The following SPATA22 variants were observed in gnomAD, a reference collection of about 807,000 sequenced individuals.
SPATA22 encodes spermatogenesis-associated protein 22.
SPATA22 carries 29 observed loss-of-function variants against 47.8 expected under a neutral mutation model. That is an observed-to-expected ratio of 0.61 (90% CI 0.45 to 0.83). The LOEUF (loss-of-function observed/expected upper bound fraction) is 0.83. Ranked by LOEUF, SPATA22 falls within the 40% of genes least tolerant of loss-of-function variation. SPATA22 has a pLI of 0.00. For synonymous variants in SPATA22, 133 were observed against 140.9 expected, an observed-to-expected ratio of 0.94 and a Z score of 0.40; for missense variants, 410 against 421.7, an observed-to-expected ratio of 0.97 and a Z score of 0.24.
intron 1 of SPATA22, among the ~76,000 whole-genome samples, chr17:3,492,610 A>G (rs1204234918): frequency 6.6e-6 from 1 of 152,212 alleles, no homozygotes; most frequent in Non-Finnish European, 1.5e-5. Flanking sequence ...AAGCACTTGC[A>G]CATTGGAGCT....
rs1438244216 is a variant in SPATA22, at chr17:3,449,125, G to C, written c.354C>G (p.Thr118=). The C allele has an allele frequency of 6.2e-7, 1 of 1,605,594 alleles. No individual in the cohort carries two copies. The highest frequency in any genetic ancestry group is 8.5e-7 in the Non-Finnish European group (1 of 1,176,882). The stretch of plus-strand genomic sequence containing the variant: ...CATTTTTATTCCAAGTTTTCAAGCT[G>C]GTATTTTTGTTACCATCTCTGTAGC... ...GWSYRDGNKN[T]SLKTWNKNDF... The change falls in exon 6 of 9, where the codon ACC becomes ACG. Residue 118 remains threonine (T), a synonymous_variant. Transcript: ENST00000572969.
At chr17:3,513,818 G>T in exon 1 of SPATA22, 3 of 1,031,714 alleles carry the variant, frequency 2.9e-6, no homozygotes, top group Non-Finnish European at 3.0e-6. Context: ...GGCCAGCAGA[G>T]CCGGACTCCA....
At chr17:3,482,443 T>C (rs892684809) in intron 1 of SPATA22, among the ~76,000 whole-genome samples, 3 of 152,198 alleles carry the variant, frequency 2.0e-5, no homozygotes, top group African/African-American at 7.2e-5. Context: ...GTATGCTTAT[T>C]TCTGTGTACT....
intron 1 of SPATA22, chr17:3,499,687 T>G (rs1278263342): frequency 1.3e-5 from 2 of 152,354 alleles, no homozygotes; most frequent in African/African-American, 4.8e-5. Flanking sequence ...CATGTGAGAC[T>G]GCGAACTTAG....
intron 1 of SPATA22, among the ~76,000 whole-genome samples, chr17:3,477,138 G>T (rs574638851): frequency 6.6e-6 from 1 of 152,092 alleles, no homozygotes; most frequent in African/African-American, 2.4e-5. Context: ...CTGGGAGACA[G>T]AGCAAGACTC....
chr17:3,509,799 C>G (rs2074087977), intron 1 of SPATA22, among the ~76,000 whole-genome samples: 1 of 151,540 alleles, frequency 6.6e-6, no homozygotes, highest in Non-Finnish European at 1.5e-5. Context: ...AAAAGTGTTC[C>G]TATTTCTCCA....
At chr17:3,499,108 T>C (rs1274601424) in intron 1 of SPATA22, 5 of 1,608,228 alleles carry the variant, frequency 3.1e-6, no homozygotes, top group Non-Finnish European at 4.2e-6. Flanking sequence ...CCAGCTTACA[T>C]CTTACACGGT....
intron 1 of SPATA22, among the ~76,000 whole-genome samples, chr17:3,479,277 T>C (rs1040062167): frequency 6.6e-6 from 1 of 152,182 alleles, no homozygotes; most frequent in African/African-American, 2.4e-5. Flanking sequence ...CTTCCAGACT[T>C]GACTCTGAGC....
intron 5 of SPATA22, among the ~76,000 whole-genome samples, chr17:3,457,547 C>T (rs909056233): frequency 1.3e-5 from 2 of 152,140 alleles, no homozygotes; most frequent in Non-Finnish European, 2.9e-5. Context: ...AAGAATAAAG[C>T]TGCAGCCATC....
intron 1 of SPATA22, among the ~76,000 whole-genome samples, chr17:3,487,713 G>T (rs1418147423): frequency 6.6e-6 from 1 of 152,124 alleles, no homozygotes; most frequent in Non-Finnish European, 1.5e-5. Flanking sequence ...TTGACTAGGG[G>T]ATTATTATGA....
chr17:3,470,291 G>A (rs1051413196), intron 1 of SPATA22, among the ~76,000 whole-genome samples: 23 of 151,916 alleles, frequency 1.5e-4, no homozygotes, highest in Admixed American at 1.4e-3. Flanking sequence ...CTAATACAAC[G>A]AACACTTGCC....
intron 1 of SPATA22, among the ~76,000 whole-genome samples, chr17:3,478,544 T>A (rs1175545860): frequency 6.6e-6 from 1 of 152,236 alleles, no homozygotes; most frequent in Non-Finnish European, 1.5e-5. Context: ...AAGAATTTGT[T>A]GAAGGATAAC....
chr17:3,503,148 A>G (rs748867739), intron 1 of SPATA22: 7 of 152,176 alleles, frequency 4.6e-5, no homozygotes, highest in Non-Finnish European at 1.0e-4. Context: ...TGTACCCCCA[A>G]TGAATCCATA....
chr17:3,499,538 ACTCCTTGTCTCTG>A (rs2073965854), intron 1 of SPATA22: 1 of 100,114 alleles, frequency 1.0e-5, no homozygotes, highest in Non-Finnish European at 2.4e-5. Context: ...GCATGTGCTC[ACTCCTTGTCTCTG>A]TGTCACCCTT....
chr17:3,501,469 A>C (rs941464261), intron 1 of SPATA22: 3 of 152,452 alleles, frequency 2.0e-5, no homozygotes, highest in African/African-American at 7.2e-5. Flanking sequence ...GAACTGCTGC[A>C]ATCTCATGAT....
chr17:3,483,056 A>G (rs939376900), intron 1 of SPATA22, among the ~76,000 whole-genome samples: 56 of 151,176 alleles, frequency 3.7e-4, no homozygotes, highest in African/African-American at 1.3e-3. Context: ...CCTGTCTTCA[A>G]TTTTCATGCA....
chr17:3,447,353 G>A (rs1036317008), intron 6 of SPATA22, among the ~76,000 whole-genome samples: 2 of 152,120 alleles, frequency 1.3e-5, no homozygotes, highest in African/African-American at 2.4e-5. Context: ...TTGTGAGGGT[G>A]AGGGTTGTGA....
intron 5 of SPATA22, among the ~76,000 whole-genome samples, chr17:3,452,734 A>T (rs2072892367): frequency 1.3e-5 from 2 of 152,180 alleles, no homozygotes; most frequent in Non-Finnish European, 2.9e-5. Context: ...AATAAAAAAG[A>T]TCATAAAGGA....
At chr17:3,458,875 A>AAAAAAAAAAAAAAAAAAAAAC (rs2073059160) in intron 5 of SPATA22, among the ~76,000 whole-genome samples, 1 of 151,166 alleles carries the variant, frequency 6.6e-6, no homozygotes, top group Non-Finnish European at 1.5e-5. Flanking sequence ...AAAAAAAAAA[A>AAAAAAAAAAAAAAAAAAAAAC]AAAAATTCCA....
Sources: allele counts gnomAD v4.1 joint callset (sites outside exome capture counted in the v4.1 genomes callset), GRCh38; gene constraint gnomAD v4.1.1; transcripts MANE v1.5; gene names NCBI Gene and HGNC (gene_info 2026-07-23, HGNC 2026-07-21).